The following MAPK8IP3 variants were observed in gnomAD, a reference collection of about 807,000 sequenced individuals.
The protein encoded by MAPK8IP3 is mitogen-activated protein kinase 8 interacting protein 3, also known as C-Jun-amino-terminal kinase-interacting protein 3.
In MAPK8IP3, 49 loss-of-function variants were observed where a neutral mutation model predicts 157.8. That is an observed-to-expected ratio of 0.31 (90% CI 0.25 to 0.39). The LOEUF (loss-of-function observed/expected upper bound fraction) is 0.39. Ranked by LOEUF, MAPK8IP3 falls within the 10% of genes least tolerant of loss-of-function variation. The pLI, the probability that MAPK8IP3 is intolerant of heterozygous loss-of-function variation, is 1.00. For missense variants in MAPK8IP3, 1,478 were observed against 1,889.4 expected, an observed-to-expected ratio of 0.78 and a Z score of 4.04; for synonymous variants, 897 against 777.7, an observed-to-expected ratio of 1.15 and a Z score of -2.55.
At chr16:1,726,018 G>T (rs1034821823) in intron 2 of MAPK8IP3, among the ~76,000 whole-genome samples, 8 of 152,346 alleles carry the variant, frequency 5.3e-5, no homozygotes, top group Admixed American at 5.2e-4. Context: ...AATCGGCTGC[G>T]GTTTCCCTAG....
chr16:1,743,744 G>C lies in MAPK8IP3; in HGVS notation c.747+268G>C. 6.7e-6 allele frequency: 9 copies of C among 1,351,002 alleles called. No homozygotes were observed. Among genetic ancestry groups the C allele is most frequent in the Non-Finnish European group, 8.5e-6 (9 of 1,057,890 alleles). 83.7% of individuals were successfully genotyped at this position (1,351,002 alleles called of 1,614,324 possible). A position where few individuals can be genotyped will look rare whatever the true frequency, so the allele number is the denominator to read the frequency against. On this transcript the variant is annotated intron_variant, in intron 5 of 31. Transcript: ENST00000610761. This position sits in a 1 kb window ranked among gnomAD's most constrained non-coding sequence, Gnocchi z 5.6. ...AGACCTCCCTGCCCTTGGATAGACC[G>C]CTCTGTAGCCAGGGGTGTACAGTGC... is the stretch of plus-strand genomic sequence containing the variant.
In MAPK8IP3 at chr16:1,766,519, C is replaced by T; in HGVS notation, c.2820-10C>T. On this transcript the variant is annotated splice_polypyrimidine_tract_variant and intron_variant, in intron 22 of 31. Transcript: ENST00000610761. The stretch of plus-strand genomic sequence containing the variant: ...CGTGGCCCCCCCTGGAGCCACCGTT[C>T]TTCCTGCAGCGAGAACGGGCCAGAG... The T allele has an allele frequency of 6.2e-7, 1 of 1,610,858 alleles. No individual in the cohort carries two copies. Among genetic ancestry groups the T allele is most frequent in the Non-Finnish European group, 8.5e-7 (1 of 1,179,634 alleles).
chr16:1,741,720 G>A lies in MAPK8IP3; in HGVS notation c.603-1612G>A, dbSNP rs73501650. Among the ~76,000 whole-genome samples the A allele has an allele frequency of 0.017, 2,513 of 152,190 alleles. 76 individuals carry two copies. The highest frequency in any genetic ancestry group is 0.057 in the African/African-American group (2,380 of 41,494). On this transcript the variant is annotated intron_variant, in intron 4 of 31. Transcript: ENST00000610761. The surrounding 1 kb of genome is among the most constrained non-coding windows in gnomAD (Gnocchi z 6.9). Reference sequence around the variant, plus strand: ...GGGCCTGGTGGCTGGCTGCCTTCACGGTGGCCAGGGAACCTCATGGCTGTT... The same window carrying A: ...GGGCCTGGTGGCTGGCTGCCTTCACAGTGGCCAGGGAACCTCATGGCTGTT...
Position 1,729,568 on chromosome 16 carries a change from C to T in MAPK8IP3, c.592C>T (p.Pro198Ser). Residue 198 changes from proline to serine, a missense_variant, in exon 4 of 32, where the codon CCG becomes TCG. Pro to Ser is a moderately conservative substitution (Grantham distance 74). Around this residue, in one of 11 missense-constraint regions of MAPK8IP3, gnomAD observed 315 missense variants for 394.4 expected, o/e 0.80. Coordinates refer to ENST00000610761, the MANE Select transcript of MAPK8IP3 (RefSeq NM_001318852.2). ...AAACAGCCAGACCGAGAGCAGCCTG[C>T]CGGGGCGGAGGTACGCGGGGCGCGG... ...GGNSQTESSL[P>S]GRSRKERPTS... 6.2e-7 allele frequency: 1 copy of T among 1,605,186 alleles called. No homozygotes were observed. Among genetic ancestry groups the T allele is most frequent in the East Asian group, 2.2e-5 (1 of 44,548 alleles).
chr16:1,768,865 C>G lies in MAPK8IP3; in HGVS notation c.*41C>G. On this transcript the variant is annotated 3_prime_UTR_variant, in exon 32 of 32. Transcript: ENST00000610761. ...TGGCCCGACCTGTACATAGGACCCC[C>G]GACCACCTGACCCCCGCCCGGCCCG... 3.7e-6 allele frequency: 6 copies of G among 1,600,878 alleles called. No homozygotes were observed. The highest frequency in any genetic ancestry group is 1.1e-5 in the South Asian group (1 of 90,806).
At chr16:1,762,617 C>T (rs969916363) in intron 14 of MAPK8IP3, 58 bp from the exon 15 acceptor site, 10 of 1,544,580 alleles carry the variant, frequency 6.5e-6, no homozygotes, top group South Asian at 3.7e-5. Flanking sequence ...GCCAGAGAGT[C>T]GCAGGTAAGG....
rs368265080 is a variant in MAPK8IP3, at chr16:1,763,017, C to T, written c.1898+11C>T. 52 of 1,612,296 alleles carry T rather than the reference C, an allele frequency of 3.2e-5. No homozygotes were observed. Among genetic ancestry groups the T allele is most frequent in the African/African-American group, 4.0e-5 (3 of 74,952 alleles). On this transcript the variant is annotated intron_variant, in intron 16 of 31. Transcript: ENST00000610761. ...ATTCTTCCCTGACGAGTGAGTGTCC[C>T]GCAGCCCCCACTTGTGGCCTGCAAT...
chr16:1,721,548 C>T lies in MAPK8IP3; in HGVS notation c.319-3009C>T, dbSNP rs113104370. 3.1e-3 allele frequency among the ~76,000 whole-genome samples: 478 copies of T among 152,298 alleles called. 1 individual carries two copies. Among genetic ancestry groups the T allele is most frequent in the Non-Finnish European group, 5.4e-3 (367 of 68,028 alleles). On this transcript the variant is annotated intron_variant, in intron 1 of 31. Transcript: ENST00000610761. ...CCTGGGGTCACTGCAGCACCGACCT[C>T]CTGGGCTCAGGTGATCCTCCCACCA...
chr16:1,752,505 G>T, intron 8 of MAPK8IP3: 1 of 362,826 alleles, frequency 2.8e-6, no homozygotes, highest in South Asian at 2.0e-5. Flanking sequence ...AGCTTTGGGA[G>T]GCCAGGGCAG....
intron 4 of MAPK8IP3, among the ~76,000 whole-genome samples, chr16:1,734,059 A>C (rs1029865576): frequency 6.6e-6 from 1 of 152,240 alleles, no homozygotes; most frequent in Non-Finnish European, 1.5e-5. Flanking sequence ...GAGGGGTCTC[A>C]TCCAGGTTTA....
At position 1,748,296 on chromosome 16, in the gene MAPK8IP3, G is replaced by A. The variant is rs1271425273; in HGVS notation, c.1047G>A (p.Thr349=). 6.2e-7 allele frequency: 1 copy of A among 1,613,962 alleles called. No individual in the cohort carries two copies. Among genetic ancestry groups the A allele is most frequent in the Non-Finnish European group, 8.5e-7 (1 of 1,180,018 alleles). ...ATGTTCAAGACATTATTGACTCCAC[G>A]CCAGAGCTGGACATGTGTCCAGAGA... is the stretch of plus-strand genomic sequence containing the variant. The part of the protein sequence containing the change: ...WSDVQDIIDS[T]PELDMCPETR... Residue 349 remains threonine (T), a synonymous_variant, in exon 7 of 32, where the codon ACG becomes ACA. Transcript: ENST00000610761.
intron 6 of MAPK8IP3, 117 bp downstream of exon 6, chr16:1,747,392 A>C: frequency 4.2e-6 from 6 of 1,414,030 alleles, no homozygotes; most frequent in Non-Finnish European, 5.7e-6. Flanking sequence ...CGTGTTCCTC[A>C]CAGCCCGGAG....
At chr16:1,745,389 G>A (rs1385198496) in intron 5 of MAPK8IP3, 2 of 154,286 alleles carry the variant, frequency 1.3e-5, no homozygotes, top group Non-Finnish European at 2.9e-5. Context: ...CAGGTTCTTT[G>A]AGAACGTCAG....
intron 8 of MAPK8IP3, among the ~76,000 whole-genome samples, chr16:1,757,713 C>T (rs866551541): frequency 2.6e-5 from 4 of 152,230 alleles, no homozygotes; most frequent in Non-Finnish European, 4.4e-5. Context: ...AGTCCAGCTC[C>T]AGGCCTGCGT....
rs2038762375 is a variant in MAPK8IP3, at chr16:1,724,802, C to A, written c.439+125C>A. On this transcript the variant is annotated intron_variant, in intron 2 of 31. Coordinates refer to ENST00000610761, the MANE Select transcript of MAPK8IP3 (RefSeq NM_001318852.2). This position sits in a 1 kb window ranked among gnomAD's most constrained non-coding sequence, Gnocchi z 4.1. ...AGAGGAAGCCCAGTGGGAGCCTCAG[C>A]CATGTATTCCAGCTCTTTGTACTGC... The A allele has an allele frequency of 3.2e-6, 4 of 1,259,212 alleles. No individual in the cohort carries two copies. In the East Asian group the frequency reaches 7.4e-5, roughly 23 times the overall value. 78.0% of individuals were successfully genotyped at this position (1,259,212 alleles called of 1,614,324 possible). A position where few individuals can be genotyped will look rare whatever the true frequency, so the allele number is the denominator to read the frequency against.
intron 4 of MAPK8IP3, among the ~76,000 whole-genome samples, chr16:1,732,555 C>G (rs2039384837): frequency 6.6e-6 from 1 of 152,254 alleles, no homozygotes; most frequent in African/African-American, 2.4e-5. Context: ...CTCAGGCAGT[C>G]TCGCTGCTCT....
chr16:1,768,915 G>GC lies in MAPK8IP3; in HGVS notation c.*95dup. On this transcript the variant is annotated 3_prime_UTR_variant, in exon 32 of 32. Coordinates refer to ENST00000610761, the MANE Select transcript of MAPK8IP3 (RefSeq NM_001318852.2). ...GCGGGGTAGCCAGCCAGGCGCCGCC[G>GC]CCCCTCTTCTAACCTCTCAACCTGC... The GC allele has an allele frequency of 6.8e-7, 1 of 1,464,938 alleles. No individual in the cohort carries two copies. The highest frequency in any genetic ancestry group is 9.3e-7 in the Non-Finnish European group (1 of 1,077,892). 90.7% of individuals were successfully genotyped at this position (1,464,938 alleles called of 1,614,324 possible). A position where few individuals can be genotyped will look rare whatever the true frequency, so the allele number is the denominator to read the frequency against.
chr16:1,716,306 A>G (rs1000619043), intron 1 of MAPK8IP3, among the ~76,000 whole-genome samples: 5 of 138,324 alleles, frequency 3.6e-5, no homozygotes, highest in Non-Finnish European at 7.7e-5. Flanking sequence ...CTCTCAGGTC[A>G]TTTCTTTTTT....
intron 8 of MAPK8IP3, among the ~76,000 whole-genome samples, chr16:1,753,790 A>AT (rs893885229): frequency 1.9e-4 from 29 of 152,248 alleles, no homozygotes; most frequent in Admixed American, 3.3e-4. Context: ...ACTGCTGCAA[A>AT]TTAAACTATA....
Sources: gnomAD v4.1 joint callset for allele counts (sites outside exome capture counted in the v4.1 genomes callset) on GRCh38, gnomAD v4.1.1 for gene constraint, gnomAD v4.1.1 regional missense constraint, Gnocchi (gnomAD v3.1) non-coding constraint, MANE v1.5 for transcripts, NCBI Gene and HGNC (gene_info 2026-07-23, HGNC 2026-07-21) for gene names.